Variants in COL24A1 observed in about 807,000 individuals in gnomAD.
COL24A1 encodes collagen type XXIV alpha 1 chain, also known as collagen alpha-1(XXIV) chain.
In COL24A1, 224 loss-of-function variants were observed where a neutral mutation model predicts 253.9. The ratio of observed to expected loss-of-function variants is 0.88; its 90% CI spans 0.79 to 0.99. COL24A1 has a LOEUF of 0.99. Ranked by LOEUF, COL24A1 falls within the 50% of genes least tolerant of loss-of-function variation. The pLI is 0.00. For synonymous variants in COL24A1, 685 were observed against 673.7 expected (o/e 1.02, Z -0.26); for missense variants, 2,131 against 2,068.5 (o/e 1.03, Z -0.59).
intron 52 of COL24A1, among the ~76,000 whole-genome samples, chr1:85,776,334 A>C (rs115219807): frequency 0.02 from 2,987 of 152,248 alleles, 63 homozygotes; most frequent in Middle Eastern, 0.037. Context: ...TACATTTAGT[A>C]AAATTTGTTT....
intron 24 of COL24A1, among the ~76,000 whole-genome samples, chr1:85,948,451 G>T (rs1689548068): frequency 6.7e-6 from 1 of 148,178 alleles, no homozygotes; most frequent in Non-Finnish European, 1.5e-5. Context: ...GTGAACCCGG[G>T]AGGCGGAGCT....
chr1:85,885,397 A>ATATATATATATATTTTTT (rs60994639), intron 32 of COL24A1, among the ~76,000 whole-genome samples: 2 of 128,902 alleles, frequency 1.6e-5, no homozygotes, highest in Non-Finnish European at 3.2e-5. Flanking sequence ...ATATATATAT[A>ATATATATATATATTTTTT]TTTTTTTTTT....
chr1:85,802,056 T>C (rs1671482385), intron 47 of COL24A1, among the ~76,000 whole-genome samples: 1 of 152,196 alleles, frequency 6.6e-6, no homozygotes, highest in Non-Finnish European at 1.5e-5. Flanking sequence ...CCAGTCTAGT[T>C]CAAACCGTGA....
intron 19 of COL24A1, among the ~76,000 whole-genome samples, chr1:86,003,044 G>T (rs192033400): frequency 6.6e-6 from 1 of 152,190 alleles, no homozygotes; most frequent in African/African-American, 2.4e-5. Flanking sequence ...AGACCCTTTA[G>T]TATTGGAGGT....
At chr1:85,841,709 A>G (rs1676631211) in intron 41 of COL24A1, among the ~76,000 whole-genome samples, 1 of 152,122 alleles carries the variant, frequency 6.6e-6, no homozygotes, top group South Asian at 2.1e-4. Flanking sequence ...GCAACAGTCA[A>G]GATCACTTGA....
intron 47 of COL24A1, among the ~76,000 whole-genome samples, chr1:85,793,022 T>C (rs1486137791): frequency 6.6e-6 from 1 of 152,168 alleles, no homozygotes; most frequent in Non-Finnish European, 1.5e-5. Flanking sequence ...GTTGAGAGAA[T>C]GGTATTTAAA....
intron 43 of COL24A1, among the ~76,000 whole-genome samples, chr1:85,833,339 T>A (rs1179181246): frequency 6.6e-6 from 1 of 152,162 alleles, no homozygotes; most frequent in African/African-American, 2.4e-5. Context: ...AGAAGACATT[T>A]ATGCAGCCAA....
chr1:85,772,662 T>C (rs540923504), intron 53 of COL24A1, among the ~76,000 whole-genome samples: 10 of 152,300 alleles, frequency 6.6e-5, no homozygotes, highest in African/African-American at 1.7e-4. Context: ...GCTGCATAAA[T>C]GTCTTCTTTT....
chr1:86,021,284 A>G (rs151094676), intron 18 of COL24A1, among the ~76,000 whole-genome samples: 1 of 152,250 alleles, frequency 6.6e-6, no homozygotes, highest in East Asian at 1.9e-4. Flanking sequence ...CATAGAATTG[A>G]ATCCTATATC....
chr1:85,870,016 A>G (rs1251205908), intron 35 of COL24A1, among the ~76,000 whole-genome samples: 2 of 152,192 alleles, frequency 1.3e-5, no homozygotes, highest in African/African-American at 4.8e-5. Context: ...TACCAAGCAA[A>G]TGGAAAACAA....
Position 85,734,780 on chromosome 1 carries a change from A to C in COL24A1, c.4967T>G (p.Leu1656Arg), listed in dbSNP as rs1320712585. ...GTCATCTGAAAGCACTTTAGGTTCA[A>C]GTAGAGTGTTTACTTTAAAAATCTG... ...NGQIFKVNTLLEPKVLSDDCK... is the reference protein window; with the variant it reads ...NGQIFKVNTLREPKVLSDDCK... The change falls in exon 59 of 60, where the codon CTT (leucine) becomes CGT (arginine). Residue 1656 changes from leucine to arginine, a missense_variant. Coordinates refer to ENST00000370571, the MANE Select transcript of COL24A1 (RefSeq NM_152890.7). 1.9e-6 allele frequency: 3 copies of C among 1,614,096 alleles called. No homozygotes were observed. The highest frequency in any genetic ancestry group is 3.3e-5 in the Admixed American group (2 of 60,000).
intron 24 of COL24A1, among the ~76,000 whole-genome samples, chr1:85,914,319 T>C (rs1248854252): frequency 6.6e-6 from 1 of 151,508 alleles, no homozygotes; most frequent in Non-Finnish European, 1.5e-5. Flanking sequence ...TGTGTGTGTG[T>C]GTGTGTGTGT....
chr1:85,854,668 T>C (rs1370020199), intron 37 of COL24A1, among the ~76,000 whole-genome samples: 1 of 152,068 alleles, frequency 6.6e-6, no homozygotes, highest in African/African-American at 2.4e-5. Context: ...ATTCTAATTG[T>C]AGAGATCTTT....
At chr1:86,111,894 G>T (rs865781439) in intron 5 of COL24A1, among the ~76,000 whole-genome samples, 32 of 152,110 alleles carry the variant, frequency 2.1e-4, no homozygotes, top group African/African-American at 7.7e-4. Context: ...AAGCCAGCAA[G>T]ATCAGGAACC....
chr1:85,869,768 G>A (rs902204419), intron 35 of COL24A1, among the ~76,000 whole-genome samples: 2 of 152,066 alleles, frequency 1.3e-5, no homozygotes, highest in Non-Finnish European at 2.9e-5. Flanking sequence ...GACCATCGAT[G>A]CTAGGAAGAA....
At chr1:86,074,025 C>T (rs1341984362) in intron 7 of COL24A1, among the ~76,000 whole-genome samples, 2 of 152,136 alleles carry the variant, frequency 1.3e-5, no homozygotes, top group Non-Finnish European at 2.9e-5. Flanking sequence ...ATTGTAAAGA[C>T]CATTGACACC....
At chr1:85,994,228 G>T (rs1694557574) in intron 19 of COL24A1, among the ~76,000 whole-genome samples, 1 of 151,872 alleles carries the variant, frequency 6.6e-6, no homozygotes, top group Admixed American at 6.6e-5. Flanking sequence ...AAGGCAACAT[G>T]TAAATTATGA....
At chr1:85,993,529 T>A (rs983834375) in intron 19 of COL24A1, among the ~76,000 whole-genome samples, 1 of 151,118 alleles carries the variant, frequency 6.6e-6, no homozygotes, top group Admixed American at 6.6e-5. Context: ...AAAGAGCAGA[T>A]CAGAAGTAGC....
chr1:85,840,141 G>A lies in COL24A1; in HGVS notation c.3627+1081C>T, dbSNP rs74327069. Among the ~76,000 whole-genome samples, 776 of 152,156 alleles carry A rather than the reference G, an allele frequency of 5.1e-3. 5 individuals carry two copies. Among genetic ancestry groups the A allele is most frequent in the African/African-American group, 0.018 (751 of 41,526 alleles). ...TACTGGATAAAACTACTATTGTTAT[G>A]CTAGTCTTTTAATATATTTATTACA... On this transcript the variant is annotated intron_variant, in intron 42 of 59. Transcript: ENST00000370571.
Sources: allele counts gnomAD v4.1 joint callset (sites outside exome capture counted in the v4.1 genomes callset), GRCh38; gene constraint gnomAD v4.1.1; transcripts MANE v1.5; gene names NCBI Gene and HGNC (gene_info 2026-07-23, HGNC 2026-07-21).